CEP162: variants seen among roughly 807,000 people sequenced by gnomAD.
CEP162 encodes centrosomal protein 162.
Under a neutral mutation model 169.2 loss-of-function variants are expected in CEP162, and 141 were observed. The ratio of observed to expected loss-of-function variants is 0.83; its 90% CI spans 0.73 to 0.96. The LOEUF (loss-of-function observed/expected upper bound fraction) is 0.96. Ranked by LOEUF, CEP162 falls within the 40% of genes least tolerant of loss-of-function variation. CEP162 has a pLI of 0.00. For missense variants in CEP162, 1,600 were observed against 1,587.2 expected (o/e 1.01, Z -0.14); for synonymous variants, 540 against 526.4 (o/e 1.03, Z -0.35).
At chr6:84,142,799 T>C (rs893285492) in intron 25 of CEP162, among the ~76,000 whole-genome samples, 3 of 152,100 alleles carry the variant, frequency 2.0e-5, no homozygotes, top group African/African-American at 7.2e-5. Context: ...ACAGTATCCA[T>C]TATTCCATGT....
chr6:84,156,743 GACAC>G (rs71736099), intron 21 of CEP162, among the ~76,000 whole-genome samples: 124 of 125,634 alleles, frequency 9.9e-4, no homozygotes, highest in African/African-American at 3.3e-3. Flanking sequence ...GTATCAAAAA[GACAC>G]ACACACACAC....
intron 9 of CEP162, among the ~76,000 whole-genome samples, chr6:84,196,240 T>G (rs1408704144): frequency 6.6e-6 from 1 of 152,138 alleles, no homozygotes; most frequent in African/African-American, 2.4e-5. Flanking sequence ...TCTCATGAGA[T>G]CTGATGGTTT....
At chr6:84,221,019 G>A (rs1308704327) in intron 3 of CEP162, 38 bp downstream of exon 3, 1 of 1,096,638 alleles carries the variant, frequency 9.1e-7, no homozygotes, top group Admixed American at 1.8e-5. Flanking sequence ...GACCCCTTGT[G>A]GTCAAATAAT....
At position 84,193,688 on chromosome 6, in the gene CEP162, G is replaced by C; in HGVS notation, c.1030C>G (p.Leu344Val). 1.9e-6 allele frequency: 3 copies of C among 1,548,344 alleles called. No homozygotes were observed. Among genetic ancestry groups the C allele is most frequent in the Non-Finnish European group, 2.6e-6 (3 of 1,146,356 alleles). Residue 344 changes from leucine (L) to valine (V), a missense_variant and splice_region_variant, in exon 11 of 27, where the codon CTG becomes GTG. By Grantham distance (32) the Leu-to-Val change is conservative. Coordinates refer to ENST00000403245, the MANE Select transcript of CEP162 (RefSeq NM_014895.4). ...TTCATCAGCTCCTCTACTGTGGGCA[G>C]ATCTAAGAGGTGGAAAAAAAAGTAG... ...SKNISTMESD[L>V]PTVEELMKPI... is the part of the protein sequence containing the mutation.
chr6:84,200,671 G>T lies in CEP162; in HGVS notation c.835+118C>A, dbSNP rs373358072. On this transcript the variant is annotated intron_variant, in intron 9 of 26. Coordinates refer to ENST00000403245, the MANE Select transcript of CEP162 (RefSeq NM_014895.4). Reference sequence around the variant, plus strand: ...TTATTATTATGGTAGAAAAATGTCAGATTTAAAGTTTTCATTATCAATATA... The same window carrying T: ...TTATTATTATGGTAGAAAAATGTCATATTTAAAGTTTTCATTATCAATATA... The T allele has an allele frequency of 2.4e-4, 110 of 455,062 alleles. 1 individual carries two copies. Among genetic ancestry groups the T allele is most frequent in the East Asian group, 1.4e-3 (43 of 30,000 alleles). The allele number at this position is 455,062 out of a possible 1,614,324, so 28.2% of individuals were successfully genotyped here. A position where few individuals can be genotyped will look rare whatever the true frequency, so the allele number is the denominator to read the frequency against.
chr6:84,216,491 G>A (rs1057005336), intron 3 of CEP162, among the ~76,000 whole-genome samples: 1 of 152,132 alleles, frequency 6.6e-6, no homozygotes, highest in African/African-American at 2.4e-5. Context: ...CTGCAGGAGA[G>A]GTTCTCATGC....
chr6:84,135,452 A>G (rs1311227113), intron 25 of CEP162, among the ~76,000 whole-genome samples: 1 of 145,714 alleles, frequency 6.9e-6, no homozygotes, highest in East Asian at 1.9e-4. Flanking sequence ...GCCCAGAGAC[A>G]GACTGCTTCC....
intron 26 of CEP162, 112 bp downstream of exon 26, chr6:84,126,266 A>G: frequency 1.5e-6 from 1 of 646,158 alleles, no homozygotes; most frequent in Non-Finnish European, 2.3e-6. Context: ...AGATCAAAAT[A>G]CACTGGAAAC....
chr6:84,174,816 C>T lies in CEP162; in HGVS notation c.1936G>A (p.Glu646Lys). Reference protein sequence around the residue: ...IKATFSEKEKELENKLEELKK... With the variant: ...IKATFSEKEKKLENKLEELKK... ...AGTTCTTCCAACTTATTTTCTAGTT[C>T]TTTCTCCTTTTCTGAGAATGTGGCT... The change falls in exon 15 of 27, where the codon GAA becomes AAA. Residue 646 changes from glutamate (E) to lysine (K), a missense_variant. By Grantham distance (56) the Glu-to-Lys change is moderately conservative (BLOSUM62 1). Coordinates refer to ENST00000403245, the MANE Select transcript of CEP162 (RefSeq NM_014895.4). 2 of 1,596,620 alleles carry T rather than the reference C, an allele frequency of 1.3e-6. No individual in the cohort carries two copies. Among genetic ancestry groups the T allele is most frequent in the Non-Finnish European group, 1.7e-6 (2 of 1,169,112 alleles).
chr6:84,171,703 A>G lies in CEP162; in HGVS notation c.2182T>C (p.Tyr728His), dbSNP rs1016768307. ...QGYQQENERL[Y>H]NQVKDLQEQN... ...TCTTGGAGATCTTTTACTTGATTATATAATCGTTCATTTTCCTTTTTAAAA... is the reference window on the plus strand; with the variant it reads ...TCTTGGAGATCTTTTACTTGATTATGTAATCGTTCATTTTCCTTTTTAAAA... The change falls in exon 17 of 27, where the codon TAT becomes CAT. Residue 728 changes from tyrosine to histidine, a missense_variant. Physicochemically the swap from Tyr to His is moderately conservative, Grantham distance 83. Transcript: ENST00000403245. 2.4e-5 allele frequency: 36 copies of G among 1,471,708 alleles called. No homozygotes were observed. The highest frequency in any genetic ancestry group is 4.6e-6 in the Non-Finnish European group (5 of 1,097,836). The allele number at this position is 1,471,708 out of a possible 1,614,324, so 91.2% of individuals were successfully genotyped here.
intron 6 of CEP162, among the ~76,000 whole-genome samples, chr6:84,207,537 G>C (rs1260301517): frequency 2.8e-5 from 4 of 143,290 alleles, no homozygotes; most frequent in African/African-American, 1.0e-4. Flanking sequence ...TGGACACAGG[G>C]TGGGGAACAT....
chr6:84,169,229 T>C (rs1331768107), intron 18 of CEP162, 99 bp downstream of exon 18: 1 of 694,842 alleles, frequency 1.4e-6, no homozygotes, highest in African/African-American at 1.8e-5. Flanking sequence ...GATTTTTTAA[T>C]ACATTTCTAT....
intron 3 of CEP162, 173 bp from the exon 4 acceptor site, chr6:84,216,095 T>A (rs1230769754): frequency 1.2e-6 from 1 of 802,198 alleles, no homozygotes; most frequent in African/African-American, 1.8e-5. Context: ...AGATTATAAT[T>A]CTATTTGGTG....
intron 13 of CEP162, among the ~76,000 whole-genome samples, chr6:84,179,454 G>T (rs994353032): frequency 1.3e-5 from 2 of 152,166 alleles, no homozygotes; most frequent in African/African-American, 2.4e-5. Context: ...CTGCATAAAT[G>T]TCTTCTTTTG....
chr6:84,196,166 G>A (rs2099542044), intron 9 of CEP162, among the ~76,000 whole-genome samples: 1 of 152,150 alleles, frequency 6.6e-6, no homozygotes, highest in Admixed American at 6.5e-5. Flanking sequence ...GGAGGGACCT[G>A]GTGGGAGGTG....
At chr6:84,170,368 C>T (rs181623164) in intron 17 of CEP162, among the ~76,000 whole-genome samples, 200 of 106,892 alleles carry the variant, frequency 1.9e-3, no homozygotes, top group African/African-American at 7.5e-3. Context: ...AGCGAGACTC[C>T]GTCTCAAAAA....
intron 25 of CEP162, among the ~76,000 whole-genome samples, chr6:84,144,489 T>C (rs1022286005): frequency 1.3e-5 from 2 of 152,078 alleles, no homozygotes; most frequent in Non-Finnish European, 2.9e-5. Flanking sequence ...CATCCACAGA[T>C]AGTTAATTGT....
intron 25 of CEP162, among the ~76,000 whole-genome samples, chr6:84,145,674 C>T (rs2099518546): frequency 6.6e-6 from 1 of 152,080 alleles, no homozygotes; most frequent in African/African-American, 2.4e-5. Context: ...GCCTTGGAAT[C>T]ACTAAAACAT....
chr6:84,191,017 GCTTAAGTTC>G (rs2099539654), intron 11 of CEP162, among the ~76,000 whole-genome samples: 1 of 152,134 alleles, frequency 6.6e-6, no homozygotes, highest in Admixed American at 6.5e-5. Context: ...TTGTAAATTT[GCTTAAGTTC>G]CTTATAGATT....
Sources: gnomAD v4.1 joint callset for allele counts (sites outside exome capture counted in the v4.1 genomes callset) on GRCh38, gnomAD v4.1.1 for gene constraint, MANE v1.5 for transcripts, NCBI Gene and HGNC (gene_info 2026-07-23, HGNC 2026-07-21) for gene names.